The following SPIN1 variants were observed in gnomAD, a reference collection of about 807,000 sequenced individuals.
SPIN1 encodes spindlin 1.
In SPIN1, 3 loss-of-function variants were observed where a neutral mutation model predicts 26.0. The ratio of observed to expected loss-of-function variants is 0.12; its 90% CI spans 0.05 to 0.30. SPIN1 has a LOEUF of 0.30. Among genes scored for constraint, SPIN1 ranks in the 10% least tolerant of loss-of-function variants. SPIN1 has a pLI of 1.00. For missense variants in SPIN1, 126 were observed against 333.4 expected (o/e 0.38, Z 4.84); for synonymous variants, 101 against 116.5 (o/e 0.87, Z 0.86).
At chr9:88,418,928 G>A (rs1827623165) in intron 1 of SPIN1, 1 of 152,112 alleles carries the variant, frequency 6.6e-6, no homozygotes, top group South Asian at 2.1e-4. Context: ...CATAGCGAGT[G>A]CTCAGTGAAC....
intron 3 of SPIN1, among the ~76,000 whole-genome samples, chr9:88,456,228 C>T (rs1451334639): frequency 1.3e-5 from 2 of 152,090 alleles, no homozygotes; most frequent in Admixed American, 6.5e-5. Flanking sequence ...GAAAATAATA[C>T]TTCATCATAA....
intron 2 of SPIN1, among the ~76,000 whole-genome samples, chr9:88,440,149 T>G (rs1170696097): frequency 1.3e-5 from 2 of 151,450 alleles, no homozygotes; most frequent in African/African-American, 4.8e-5. Context: ...ATATTTTTTG[T>G]TTTTAATTTT....
chr9:88,413,065 G>GTTTTT (rs148350918), intron 1 of SPIN1, among the ~76,000 whole-genome samples: 1 of 128,030 alleles, frequency 7.8e-6, no homozygotes, highest in Admixed American at 7.9e-5. Context: ...TTAAAATTAA[G>GTTTTT]TTTTTTTTTT....
At chr9:88,440,661 C>T (rs1828103399) in intron 2 of SPIN1, among the ~76,000 whole-genome samples, 1 of 149,704 alleles carries the variant, frequency 6.7e-6, no homozygotes, top group Non-Finnish European at 1.5e-5. Flanking sequence ...GTACTGCAAC[C>T]TCCGCCACCC....
At chr9:88,409,031 T>C (rs1323449356) in intron 1 of SPIN1, among the ~76,000 whole-genome samples, 1 of 148,414 alleles carries the variant, frequency 6.7e-6, no homozygotes, top group Non-Finnish European at 1.5e-5. Flanking sequence ...TTTTTGCTCT[T>C]GTTGCCCAGG....
chr9:88,466,661 T>C (rs972994167), intron 4 of SPIN1, among the ~76,000 whole-genome samples: 4 of 152,360 alleles, frequency 2.6e-5, no homozygotes, highest in African/African-American at 9.6e-5. Context: ...AAAATCTCAC[T>C]TTTTTGTTTC....
intron 4 of SPIN1, among the ~76,000 whole-genome samples, chr9:88,464,500 C>G (rs1448207598): frequency 6.6e-6 from 1 of 152,182 alleles, no homozygotes; most frequent in Admixed American, 6.5e-5. Flanking sequence ...AAAGCAAGGC[C>G]TGGGGACCCT....
rs901699677 is a variant in SPIN1 at position 88,477,483 on chromosome 9, G to A, written c.*2206G>A. ...GCAACATGATGATGGTGATGATGAC[G>A]ATGAGTTTAATCATTGTTCATTTAT... On this transcript the variant is annotated 3_prime_UTR_variant, in exon 6 of 6. Transcript: ENST00000375859. 6.6e-6 allele frequency: 1 copy of A among 152,186 alleles called. No homozygotes were observed. Among genetic ancestry groups the A allele is most frequent in the African/African-American group, 2.4e-5 (1 of 41,430 alleles). 9.4% of individuals were successfully genotyped at this position (152,186 alleles called of 1,614,324 possible).
chr9:88,466,429 TA>T (rs1828669624), intron 4 of SPIN1, among the ~76,000 whole-genome samples: 1 of 152,032 alleles, frequency 6.6e-6, no homozygotes, highest in African/African-American at 2.4e-5. Context: ...GTGCTAGGAT[TA>T]TAGATGTGAG....
chr9:88,410,141 G>A (rs988660370), intron 1 of SPIN1, among the ~76,000 whole-genome samples: 1 of 146,316 alleles, frequency 6.8e-6, no homozygotes, highest in African/African-American at 2.6e-5. Context: ...CAAGTTATTT[G>A]ATGCTTTCAT....
intron 2 of SPIN1, among the ~76,000 whole-genome samples, chr9:88,431,099 G>C (rs1338839669): frequency 6.6e-6 from 1 of 151,956 alleles, no homozygotes; most frequent in Non-Finnish European, 1.5e-5. Flanking sequence ...TGGTCAGGCT[G>C]ATCTTGAACT....
At chr9:88,433,922 G>A (rs760124889) in intron 2 of SPIN1, among the ~76,000 whole-genome samples, 4 of 151,072 alleles carry the variant, frequency 2.6e-5, no homozygotes, top group South Asian at 2.1e-4. Context: ...TCTCATCAAC[G>A]TTATAAGGAA....
chr9:88,448,881 T>A lies in SPIN1; in HGVS notation c.53-60T>A, dbSNP rs945643552. The stretch of plus-strand genomic sequence containing the variant: ...CAGTTTTTCAGAAGTTAAGATTTCC[T>A]GCATTCTGAGGTATTCTTTTATCTG... On this transcript the variant is annotated intron_variant, in intron 2 of 5. Transcript: ENST00000375859. 4 of 1,523,334 alleles carry A rather than the reference T, an allele frequency of 2.6e-6. No individual in the cohort carries two copies. In the African/African-American group the frequency reaches 5.5e-5, roughly 21 times the overall value. The allele number at this position is 1,523,334 out of a possible 1,614,324, so 94.4% of individuals were successfully genotyped here. A position where few individuals can be genotyped will look rare whatever the true frequency, so the allele number is the denominator to read the frequency against.
At chr9:88,409,145 G>A (rs970101135) in intron 1 of SPIN1, among the ~76,000 whole-genome samples, 4 of 151,706 alleles carry the variant, frequency 2.6e-5, no homozygotes, top group East Asian at 2.0e-4. Flanking sequence ...ACAGGCATGC[G>A]CCACCATGCC....
At chr9:88,423,927 G>A (rs11142292) in intron 1 of SPIN1, among the ~76,000 whole-genome samples, 28,750 of 151,806 alleles carry the variant, frequency 0.19, 3,640 homozygotes, top group African/African-American at 0.36. Context: ...CACCATGTTC[G>A]GCTAATTTTT....
intron 3 of SPIN1, among the ~76,000 whole-genome samples, chr9:88,455,528 G>A (rs1236847873): frequency 2.0e-5 from 3 of 152,124 alleles, no homozygotes; most frequent in African/African-American, 7.2e-5. Flanking sequence ...TGAAAACATA[G>A]GTAAACAGAG....
intron 1 of SPIN1, among the ~76,000 whole-genome samples, chr9:88,392,519 A>G (rs186288013): frequency 3.3e-4 from 50 of 152,144 alleles, no homozygotes; most frequent in Admixed American, 8.5e-4. Flanking sequence ...AGAGGAGTTA[A>G]AGAGGCCATC....
intron 3 of SPIN1, chr9:88,458,097 A>C: frequency 1.6e-6 from 1 of 632,750 alleles, no homozygotes; most frequent in Non-Finnish European, 2.0e-6. Flanking sequence ...TAGGTATAAT[A>C]TATGCAAAGT....
In SPIN1 at chr9:88,426,505, T is replaced by C. The variant is rs1317359356; in HGVS notation, c.-35T>C. ...GGAGAATATTGAATTTTCACCCTAG[T>C]CCAGCAGCTCCGCTGCTCACTTAAA... On this transcript the variant is annotated 5_prime_UTR_variant, in exon 2 of 6. Transcript: ENST00000375859. The C allele has an allele frequency of 6.4e-7, 1 of 1,571,032 alleles. No homozygotes were observed. The highest frequency in any genetic ancestry group is 1.1e-5 in the South Asian group (1 of 88,308).
Sources: gnomAD v4.1 joint callset for allele counts (sites outside exome capture counted in the v4.1 genomes callset) on GRCh38, gnomAD v4.1.1 for gene constraint, MANE v1.5 for transcripts, NCBI Gene and HGNC (gene_info 2026-07-23, HGNC 2026-07-21) for gene names.